The following CDH2 variants were observed in gnomAD, a reference collection of about 807,000 sequenced individuals.
CDH2 encodes the protein cadherin-2.
A neutral mutation model predicts 92.0 loss-of-function variants in CDH2; 17 were observed. That is an observed-to-expected ratio of 0.18 (90% CI 0.13 to 0.28). The LOEUF (loss-of-function observed/expected upper bound fraction) is 0.28. Ranked by LOEUF, CDH2 falls within the 10% of genes least tolerant of loss-of-function variation. CDH2 has a pLI of 1.00. For missense variants in CDH2, 862 were observed against 1,133.1 expected (o/e 0.76, Z 3.44); for synonymous variants, 419 against 415.9 (o/e 1.01, Z -0.09).
At chr18:28,083,175 A>AC (rs920148246) in intron 2 of CDH2, among the ~76,000 whole-genome samples, 5 of 151,796 alleles carry the variant, frequency 3.3e-5, no homozygotes, top group African/African-American at 9.7e-5. Flanking sequence ...TAAAGATAAT[A>AC]CCCCCCAAGA....
chr18:28,113,543 C>T (rs879702062), intron 2 of CDH2, among the ~76,000 whole-genome samples: 1 of 151,128 alleles, frequency 6.6e-6, no homozygotes, highest in Admixed American at 6.6e-5. Flanking sequence ...ATATTCTCCA[C>T]TGCCTAAGAA....
At position 27,956,549 on chromosome 18, in the gene CDH2, T is replaced by C. The variant is rs1023540987; in HGVS notation, c.2515-4190A>G. ...TACAGTCCTAGTGCCACTGCTTTAG[T>C]GGAGGTCATCATTATATCTTGCCTG... On this transcript the variant is annotated intron_variant, in intron 15 of 15. Coordinates refer to ENST00000269141, the MANE Select transcript of CDH2 (RefSeq NM_001792.5). 2.0e-5 allele frequency among the ~76,000 whole-genome samples: 3 copies of C among 152,206 alleles called. No homozygotes were observed. The East Asian group carries it at 5.8e-4, about 29-fold the overall frequency.
At chr18:28,145,917 T>C (rs529026016) in intron 2 of CDH2, among the ~76,000 whole-genome samples, 3 of 152,232 alleles carry the variant, frequency 2.0e-5, no homozygotes, top group Admixed American at 1.3e-4. Context: ...TACATACTTT[T>C]CTCACTGATG....
At chr18:28,115,589 T>C (rs1430705493) in intron 2 of CDH2, among the ~76,000 whole-genome samples, 3 of 152,134 alleles carry the variant, frequency 2.0e-5, no homozygotes, top group Non-Finnish European at 2.9e-5. Context: ...ATCCTGAGGA[T>C]AGACAGAAGA....
chr18:28,129,975 C>T (rs1404768275), intron 2 of CDH2, among the ~76,000 whole-genome samples: 1 of 152,144 alleles, frequency 6.6e-6, no homozygotes, highest in African/African-American at 2.4e-5. Context: ...TGACATTAAG[C>T]ACAGTGTCCC....
intron 5 of CDH2, among the ~76,000 whole-genome samples, chr18:28,007,433 T>G (rs1294516149): frequency 6.6e-6 from 1 of 151,800 alleles, no homozygotes; most frequent in Admixed American, 6.6e-5. Context: ...TTAAGTCTGA[T>G]GCTTGCCATT....
At chr18:28,118,724 A>C (rs2015537518) in intron 2 of CDH2, among the ~76,000 whole-genome samples, 1 of 152,002 alleles carries the variant, frequency 6.6e-6, no homozygotes, top group Admixed American at 6.6e-5. Flanking sequence ...TAGGCCGTAT[A>C]CCTTAGTAGT....
At chr18:28,097,549 C>CA (rs1343520390) in intron 2 of CDH2, among the ~76,000 whole-genome samples, 1 of 151,818 alleles carries the variant, frequency 6.6e-6, no homozygotes, top group Non-Finnish European at 1.5e-5. Context: ...CAACTGCTAA[C>CA]AAAAAATATT....
chr18:27,980,709 G>A (rs917179069), intron 14 of CDH2, among the ~76,000 whole-genome samples: 2 of 148,376 alleles, frequency 1.3e-5, no homozygotes, highest in Admixed American at 6.8e-5. Context: ...CCCAGAGTAC[G>A]ATACAGATAG....
At chr18:28,082,879 T>C (rs781736560) in intron 2 of CDH2, among the ~76,000 whole-genome samples, 6 of 152,176 alleles carry the variant, frequency 3.9e-5, no homozygotes, top group Admixed American at 6.5e-5. Flanking sequence ...GAAGGCTGGA[T>C]TGTACCAACT....
chr18:28,081,120 G>A (rs1428840987), intron 2 of CDH2, among the ~76,000 whole-genome samples: 3 of 152,130 alleles, frequency 2.0e-5, no homozygotes, highest in Non-Finnish European at 4.4e-5. Flanking sequence ...GTACACCACA[G>A]GAATTAGTTA....
At chr18:27,953,464 C>T (rs1326592397) in intron 15 of CDH2, among the ~76,000 whole-genome samples, 1 of 152,128 alleles carries the variant, frequency 6.6e-6, no homozygotes, top group Non-Finnish European at 1.5e-5. Context: ...CCACACTCTA[C>T]TTGTCAAATG....
At chr18:27,955,638 T>C (rs1312103060) in intron 15 of CDH2, among the ~76,000 whole-genome samples, 1 of 151,966 alleles carries the variant, frequency 6.6e-6, no homozygotes. Context: ...ATAATGCTTG[T>C]GATAATCAAC....
intron 4 of CDH2, among the ~76,000 whole-genome samples, chr18:28,010,858 G>C (rs533535735): frequency 5.3e-5 from 8 of 151,208 alleles, no homozygotes; most frequent in African/African-American, 1.9e-4. Flanking sequence ...CATCGTGTTA[G>C]TCAGGATGGT....
chr18:27,985,767 AAG>A lies in CDH2; in HGVS notation c.1742-8_1742-7del, dbSNP rs745955960. ...TCCACTCATAGGAGGAATTCCTGAA[AAG>A]AGAGAAAAATCACAAATGATGCTGA... On this transcript the variant is annotated splice_region_variant and splice_polypyrimidine_tract_variant and intron_variant, in intron 11 of 15. Coordinates refer to ENST00000269141, the MANE Select transcript of CDH2 (RefSeq NM_001792.5). 1.4e-5 allele frequency: 21 copies of A among 1,526,160 alleles called. No homozygotes were observed. Among genetic ancestry groups the A allele is most frequent in the South Asian group, 2.3e-5 (2 of 87,228 alleles). 94.5% of individuals were successfully genotyped at this position (1,526,160 alleles called of 1,614,324 possible).
At chr18:27,972,138 T>A (rs957491138) in intron 14 of CDH2, among the ~76,000 whole-genome samples, 45 of 152,278 alleles carry the variant, frequency 3.0e-4, no homozygotes, top group African/African-American at 1.1e-3. Flanking sequence ...GACTTTAGAT[T>A]TAGCTCCAGA....
intron 2 of CDH2, among the ~76,000 whole-genome samples, chr18:28,095,511 G>A (rs931196538): frequency 1.2e-4 from 18 of 152,242 alleles, no homozygotes; most frequent in Non-Finnish European, 1.3e-4. Flanking sequence ...AGGGGACACA[G>A]GCAGGTAAAA....
chr18:28,051,391 C>A (rs1199788186), intron 2 of CDH2, among the ~76,000 whole-genome samples: 1 of 152,084 alleles, frequency 6.6e-6, no homozygotes, highest in South Asian at 2.1e-4. Flanking sequence ...CTAATCCCTG[C>A]ATAATTAATA....
At chr18:28,086,005 T>C (rs1477757871) in intron 2 of CDH2, among the ~76,000 whole-genome samples, 1 of 152,122 alleles carries the variant, frequency 6.6e-6, no homozygotes, top group Non-Finnish European at 1.5e-5. Context: ...CACCACTGTA[T>C]TATAAACTTG....
Sources: gnomAD v4.1 joint callset for allele counts (sites outside exome capture counted in the v4.1 genomes callset) on GRCh38, gnomAD v4.1.1 for gene constraint, MANE v1.5 for transcripts, NCBI Gene and HGNC (gene_info 2026-07-23, HGNC 2026-07-21) for gene names.